Variants in IGFL2 observed in about 807,000 individuals in gnomAD.
IGFL2 encodes the protein IGF like family member 2.
In IGFL2, 7 loss-of-function variants were observed where a neutral mutation model predicts 13.9. That is an observed-to-expected ratio of 0.51 (90% confidence interval 0.29 to 0.95). IGFL2 has a LOEUF of 0.95. IGFL2 is among the 40% of genes least tolerant of loss of function. The probability of loss-of-function intolerance (pLI) is 0.08; values close to 1 mark genes in which losing one functional copy is unlikely to be tolerated. For missense variants in IGFL2, 138 were observed against 147.8 expected, an observed-to-expected ratio of 0.93 and a Z score of 0.34; for synonymous variants, 55 against 55.8, an observed-to-expected ratio of 0.99 and a Z score of 0.07.
chr19:46,149,133 C>T, intron 1 of IGFL2: 1 of 860,640 alleles, frequency 1.2e-6, no homozygotes. Flanking sequence ...TCTTTTTGGG[C>T]AACCATCTCT....
At chr19:46,145,600 A>ATGTGTGTGTGTGTGTGTGTG (rs1024196099), upstream of IGFL2, among the ~76,000 whole-genome samples, 3 of 94,448 alleles carry the variant, frequency 3.2e-5, no homozygotes, top group African/African-American at 8.8e-5. Flanking sequence ...ACTCATATAT[A>ATGTGTGTGTGTGTGTGTGTG]TGTGTGTGTG....
chr19:46,156,754 AC>A (rs1004285575), intron 1 of IGFL2, among the ~76,000 whole-genome samples: 1 of 152,096 alleles, frequency 6.6e-6, no homozygotes, highest in Non-Finnish European at 1.5e-5. Context: ...AGCAAAATAA[AC>A]CCAAAGCAAG....
At chr19:46,108,798 C>T in the IGFL2 span, among the ~76,000 whole-genome samples, 22 of 151,050 alleles carry the variant, frequency 1.5e-4, no homozygotes, top group African/African-American at 4.9e-4. Flanking sequence ...GAGTGACCAG[C>T]GCTGGAGTTT....
At chr19:46,157,679 G>A (rs868112212) in intron 1 of IGFL2, among the ~76,000 whole-genome samples, 2 of 152,178 alleles carry the variant, frequency 1.3e-5, no homozygotes, top group African/African-American at 2.4e-5. Flanking sequence ...AATATAATAA[G>A]TAATGGTGAA....
upstream of IGFL2, among the ~76,000 whole-genome samples, chr19:46,145,626 GTGTGTGTGTATT>G (rs567747616): frequency 3.7e-3 from 465 of 127,240 alleles, 3 homozygotes; most frequent in African/African-American, 0.01. Context: ...GTGTGTGTGT[GTGTGTGTGTATT>G]TATTTATTTA....
the IGFL2 span, among the ~76,000 whole-genome samples, chr19:46,175,153 G>A: frequency 6.6e-6 from 1 of 152,050 alleles, no homozygotes; most frequent in African/African-American, 2.4e-5. Context: ...AACTAATAAT[G>A]TCTAACACTT....
chr19:46,149,124 CT>C (rs2146834931), intron 1 of IGFL2: 3 of 1,006,382 alleles, frequency 3.0e-6, no homozygotes, highest in Non-Finnish European at 4.6e-6. Flanking sequence ...TCACTAACTT[CT>C]TTTTGGGCAA....
At chr19:46,159,239 C>G (rs1973999153) in intron 1 of IGFL2, 1 of 152,190 alleles carries the variant, frequency 6.6e-6, no homozygotes, top group African/African-American at 2.4e-5. Flanking sequence ...TGGTTTGGGG[C>G]ATCATCTTTT....
chr19:46,157,370 A>G (rs1021517245), intron 1 of IGFL2, among the ~76,000 whole-genome samples: 2 of 152,192 alleles, frequency 1.3e-5, no homozygotes, highest in African/African-American at 4.8e-5. Context: ...TTCATGCAAA[A>G]ATCCTTGACA....
chr19:46,193,546 A>G, the IGFL2 span, among the ~76,000 whole-genome samples: 24 of 152,160 alleles, frequency 1.6e-4, no homozygotes, highest in African/African-American at 5.5e-4. Context: ...GCTTCCTTTC[A>G]GTAAAAAGAT....
the IGFL2 span, among the ~76,000 whole-genome samples, chr19:46,215,241 TACTA>T: frequency 6.6e-6 from 1 of 152,212 alleles, no homozygotes; most frequent in Non-Finnish European, 1.5e-5. Context: ...TGGTGAATTT[TACTA>T]ACTATAGCTA....
chr19:46,087,112 C>A, the IGFL2 span, among the ~76,000 whole-genome samples: 1 of 152,072 alleles, frequency 6.6e-6, no homozygotes. Context: ...TCCTCCAGGT[C>A]GCTTGATCAG....
chr19:46,145,626 GTGTGTGTGTATTTATT>G (rs1568421082), upstream of IGFL2, among the ~76,000 whole-genome samples: 16 of 127,156 alleles, frequency 1.3e-4, no homozygotes, highest in Non-Finnish European at 2.6e-4. Context: ...GTGTGTGTGT[GTGTGTGTGTATTTATT>G]TATTTATTTA....
the IGFL2 span, among the ~76,000 whole-genome samples, chr19:46,171,862 T>A: frequency 1.3e-5 from 2 of 152,132 alleles, no homozygotes; most frequent in African/African-American, 4.8e-5. Flanking sequence ...AGTGATAAGT[T>A]TTATAAGAAT....
the IGFL2 span, among the ~76,000 whole-genome samples, chr19:46,177,282 A>G: frequency 2.6e-5 from 4 of 152,060 alleles, no homozygotes; most frequent in Non-Finnish European, 4.4e-5. Flanking sequence ...AATCCCAGCT[A>G]ATGGGGAGGC....
chr19:46,160,414 G>C lies in IGFL2; in HGVS notation c.20-1G>C, dbSNP rs753450315. On this transcript the variant is annotated splice_acceptor_variant, in intron 1 of 3. Coordinates refer to ENST00000377693, the MANE Select transcript of IGFL2 (RefSeq NM_001135113.2). LOFTEE classifies it high-confidence loss of function. Reference sequence around the variant, plus strand: ...CTTAACCTCCTTTCTTTCTCTCCCAGCTCCTGCTTATGTGTCAGTCTGTCT... The same window carrying C: ...CTTAACCTCCTTTCTTTCTCTCCCACCTCCTGCTTATGTGTCAGTCTGTCT... 1.1e-5 allele frequency: 18 copies of C among 1,612,850 alleles called. No individual in the cohort carries two copies. The Admixed American group carries it at 2.8e-4, about 25-fold the overall frequency.
rs770704565 is a variant in IGFL2, at chr19:46,160,685, G to A, written c.145G>A (p.Glu49Lys). 6.2e-7 allele frequency: 1 copy of A among 1,614,140 alleles called. No individual in the cohort carries two copies. Among genetic ancestry groups the A allele is most frequent in the South Asian group, 1.1e-5 (1 of 91,070 alleles). Residue 49 changes from glutamate to lysine, a missense_variant, in exon 3 of 4, where the codon GAG (glutamate) becomes AAG (lysine). Glu to Lys is a moderately conservative substitution (Grantham distance 56). Transcript: ENST00000377693. ...TGGAGACAAGATCTACAACCCCTTGGAGCAGTGCTGTTACAATGACGCCAT... is the reference window on the plus strand; with the variant it reads ...TGGAGACAAGATCTACAACCCCTTGAAGCAGTGCTGTTACAATGACGCCAT... The part of the protein sequence containing the change: ...RCGDKIYNPL[E>K]QCCYNDAIVS...
At chr19:46,171,839 A>C in the IGFL2 span, among the ~76,000 whole-genome samples, 3 of 152,140 alleles carry the variant, frequency 2.0e-5, no homozygotes, top group Non-Finnish European at 4.4e-5. Flanking sequence ...AAAAGTGAGA[A>C]TTTTTTTTAC....
chr19:46,099,565 G>C, the IGFL2 span, among the ~76,000 whole-genome samples: 1 of 147,670 alleles, frequency 6.8e-6, no homozygotes, highest in African/African-American at 2.5e-5. Context: ...GTCTCACTCT[G>C]TCACCCAGGC....
Sources: gnomAD v4.1 joint callset for allele counts (sites outside exome capture counted in the v4.1 genomes callset) on GRCh38, gnomAD v4.1.1 for gene constraint, MANE v1.5 for transcripts, NCBI Gene and HGNC (gene_info 2026-07-23, HGNC 2026-07-21) for gene names.